Variants in CD83 observed in about 807,000 individuals in gnomAD.
CD83 encodes CD83 molecule.
In CD83, 22 loss-of-function variants were observed where a neutral mutation model predicts 24.6. The observed-to-expected ratio is 0.90, with a 90% CI of 0.64 to 1.28. The LOEUF (loss-of-function observed/expected upper bound fraction) is 1.28, where lower values mean the gene tolerates loss of function less well. Among genes scored for constraint, CD83 ranks in the 50% most tolerant of loss-of-function variants. The pLI is 0.00. For missense variants in CD83, 253 were observed against 252.8 expected (o/e 1.00, Z -0.01); for synonymous variants, 101 against 103.5 (o/e 0.98, Z 0.14).
Position 14,135,341 on chromosome 6 carries a change from G to A in CD83, c.*105G>A, listed in dbSNP as rs1758024849. ...GAGCCTACGCTGAAGATGGCATCCT[G>A]TGAAGTCCTTCACCTCACTGAAAAC... is the stretch of plus-strand genomic sequence containing the variant. On this transcript the variant is annotated 3_prime_UTR_variant, in exon 5 of 5. Coordinates refer to ENST00000379153, the MANE Select transcript of CD83 (RefSeq NM_004233.4). 1.6e-6 allele frequency: 2 copies of A among 1,278,000 alleles called. No homozygotes were observed. Among genetic ancestry groups the A allele is most frequent in the Non-Finnish European group, 2.2e-6 (2 of 921,616 alleles). The allele number at this position is 1,278,000 out of a possible 1,614,324, so 79.2% of individuals were successfully genotyped here. A position where few individuals can be genotyped will look rare whatever the true frequency, so the allele number is the denominator to read the frequency against.
Position 14,118,058 on chromosome 6 carries a change from GGGTCAAGGTA to G in CD83, c.150_153+6del, listed in dbSNP as rs1035671854. 1.9e-6 allele frequency: 3 copies of G among 1,605,776 alleles called. No individual in the cohort carries two copies. The African/African-American group carries it at 4.0e-5, about 22-fold the overall frequency. Reference sequence around the variant, plus strand: ...CCGCAGGTTCCCTACACGGTCTCCTGGGTCAAGGTAGGTGCTGCGATACCCACGGGCTGGG... The same window carrying G: ...CCGCAGGTTCCCTACACGGTCTCCTGGGTGCTGCGATACCCACGGGCTGGG... On this transcript the variant is annotated splice_donor_variant and splice_donor_region_variant and coding_sequence_variant and intron_variant, in exon 2 of 5. Coordinates refer to ENST00000379153, the MANE Select transcript of CD83 (RefSeq NM_004233.4). LOFTEE classifies it high-confidence loss of function.
intron 2 of CD83, among the ~76,000 whole-genome samples, chr6:14,128,216 G>T (rs779214613): frequency 6.6e-6 from 1 of 152,134 alleles, no homozygotes; most frequent in Non-Finnish European, 1.5e-5. Context: ...GTTTTTGGTG[G>T]TGCCTCTGCC....
chr6:14,118,139 C>A, intron 2 of CD83, 74 bp downstream of exon 2: 2 of 1,102,830 alleles, frequency 1.8e-6, no homozygotes, highest in African/African-American at 1.6e-5. Context: ...CTCCCCTAGG[C>A]TGGCGACCCT....
chr6:14,121,397 C>G (rs1323165426), intron 2 of CD83, among the ~76,000 whole-genome samples: 1 of 151,420 alleles, frequency 6.6e-6, no homozygotes, highest in Non-Finnish European at 1.5e-5. Context: ...GGCTGGTCTC[C>G]AACTCCTGAG....
rs1465850165 is a variant in CD83, at chr6:14,129,791, CT to C, written c.154-1727del. 6.6e-6 allele frequency among the ~76,000 whole-genome samples: 1 copy of C among 151,654 alleles called. No homozygotes were observed. The highest frequency in any genetic ancestry group is 1.5e-5 in the Non-Finnish European group (1 of 67,968). ...GCTGGAGCCTGAGCTTTCCGGTGAC[CT>C]TGTGGTATATGCTCTGAATTAATAA... is the stretch of plus-strand genomic sequence containing the variant. On this transcript the variant is annotated intron_variant, in intron 2 of 4. Coordinates refer to ENST00000379153, the MANE Select transcript of CD83 (RefSeq NM_004233.4). This position sits in a 1 kb window ranked among gnomAD's most constrained non-coding sequence, Gnocchi z 4.3.
At chr6:14,133,834 C>A in intron 4 of CD83, 79 bp downstream of exon 4, 2 of 929,258 alleles carry the variant, frequency 2.2e-6, no homozygotes, top group South Asian at 1.5e-5. Context: ...GCAGATAGTG[C>A]GAATCATTTA....
At position 14,117,981 on chromosome 6, in the gene CD83, G is replaced by A. The variant is rs1759576565; in HGVS notation, c.69G>A (p.Val23=). 6.2e-7 allele frequency: 1 copy of A among 1,610,832 alleles called. No individual in the cohort carries two copies. Among genetic ancestry groups the A allele is most frequent in the African/African-American group, 1.3e-5 (1 of 74,808 alleles). ...GCCTGGCTCCCGCGACGCCGGAGGT[G>A]AAGGTGGCTTGCTCCGAAGATGTGG... is the stretch of plus-strand genomic sequence containing the variant. The part of the protein sequence containing the change: ...AYSLAPATPE[V]KVACSEDVDL... Residue 23 remains valine (V), a synonymous_variant, in exon 2 of 5, where the codon GTG becomes GTA. Transcript: ENST00000379153. The surrounding 1 kb of genome is among the most constrained non-coding windows in gnomAD (Gnocchi z 4.6).
At chr6:14,135,057 C>T (rs765168887) in intron 4 of CD83, 51 bp from the exon 5 acceptor site, 1 of 1,599,292 alleles carries the variant, frequency 6.3e-7, no homozygotes, top group Non-Finnish European at 8.5e-7. Flanking sequence ...GAGGTGACAA[C>T]TGCTGAATTT....
In CD83 at chr6:14,135,725, T is replaced by C; in HGVS notation, c.*489T>C. The C allele has an allele frequency of 6.5e-6, 1 of 153,516 alleles. No individual in the cohort carries two copies. 9.5% of individuals were successfully genotyped at this position (153,516 alleles called of 1,614,324 possible). A position where few individuals can be genotyped will look rare whatever the true frequency, so the allele number is the denominator to read the frequency against. The stretch of plus-strand genomic sequence containing the variant: ...TCAAGCTGTGAGACAGTGGGAAATA[T>C]TTAGCAAATAATTTCCTGGTGTGAA... On this transcript the variant is annotated 3_prime_UTR_variant, in exon 5 of 5. Coordinates refer to ENST00000379153, the MANE Select transcript of CD83 (RefSeq NM_004233.4).
intron 2 of CD83, 145 bp from the exon 3 acceptor site, chr6:14,131,375 C>T (rs907927129): frequency 3.2e-6 from 2 of 629,456 alleles, no homozygotes; most frequent in Non-Finnish European, 5.6e-6. Context: ...TTTCCTCCCC[C>T]AGAGGTCACA....
At position 14,118,073 on chromosome 6, in the gene CD83, C is replaced by T. The variant is rs754842313; in HGVS notation, c.153+8C>T. The T allele has an allele frequency of 1.3e-6, 2 of 1,586,314 alleles. No individual in the cohort carries two copies. Among genetic ancestry groups the T allele is most frequent in the Non-Finnish European group, 8.6e-7 (1 of 1,162,750 alleles). On this transcript the variant is annotated splice_region_variant and intron_variant, in intron 2 of 4. Transcript: ENST00000379153. ...ACGGTCTCCTGGGTCAAGGTAGGTGCTGCGATACCCACGGGCTGGGGTTTG... is the reference window on the plus strand; with the variant it reads ...ACGGTCTCCTGGGTCAAGGTAGGTGTTGCGATACCCACGGGCTGGGGTTTG...
intron 2 of CD83, among the ~76,000 whole-genome samples, chr6:14,128,090 T>G (rs373094551): frequency 2.0e-5 from 3 of 152,232 alleles, no homozygotes; most frequent in African/African-American, 7.2e-5. Context: ...GAGCTGTTCT[T>G]GCCAGTGGTT....
Position 14,117,862 on chromosome 6 carries a change from G to A in CD83, c.37+14G>A, listed in dbSNP as rs757608513. Reference sequence around the variant, plus strand: ...TCCTGAGCTGCGGTAGGGCTCGCGAGCGCCTGTCTCGCCTGTCGCCCCCCG... The same window carrying A: ...TCCTGAGCTGCGGTAGGGCTCGCGAACGCCTGTCTCGCCTGTCGCCCCCCG... On this transcript the variant is annotated intron_variant, in intron 1 of 4. Transcript: ENST00000379153. This position sits in a 1 kb window ranked among gnomAD's most constrained non-coding sequence, Gnocchi z 4.6. 2 of 1,575,838 alleles carry A rather than the reference G, an allele frequency of 1.3e-6. No homozygotes were observed. Among genetic ancestry groups the A allele is most frequent in the Non-Finnish European group, 8.6e-7 (1 of 1,168,256 alleles).
chr6:14,120,447 C>A (rs899422939), intron 2 of CD83, among the ~76,000 whole-genome samples: 11 of 152,132 alleles, frequency 7.2e-5, no homozygotes, highest in Admixed American at 6.5e-4. Context: ...TAAAATGTTT[C>A]ATCAAAGTGG....
chr6:14,126,971 C>T (rs1759831805), intron 2 of CD83, among the ~76,000 whole-genome samples: 2 of 151,332 alleles, frequency 1.3e-5, no homozygotes, highest in Admixed American at 6.6e-5. Flanking sequence ...ATTGCACATT[C>T]CCCCCACCCC....
At chr6:14,123,824 C>T (rs2113390628) in intron 2 of CD83, among the ~76,000 whole-genome samples, 1 of 149,650 alleles carries the variant, frequency 6.7e-6, no homozygotes, top group South Asian at 2.1e-4. Flanking sequence ...ACCTGAGTCA[C>T]ATGAGGACTG....
At chr6:14,131,941 T>G (rs867238150) in intron 3 of CD83, among the ~76,000 whole-genome samples, 193 bp downstream of exon 3, 8 of 152,174 alleles carry the variant, frequency 5.3e-5, no homozygotes, top group South Asian at 2.1e-4. Flanking sequence ...TTTGTTTGAC[T>G]TTTGCCCAAC....
At chr6:14,133,803 G>A (rs1757981301) in intron 4 of CD83, 48 bp downstream of exon 4, 1 of 1,228,006 alleles carries the variant, frequency 8.1e-7, no homozygotes, top group Non-Finnish European at 1.2e-6. Context: ...ATTACCCAGG[G>A]CACCAATCCA....
chr6:14,131,591 G>A lies in CD83; in HGVS notation c.225G>A (p.Gln75=), dbSNP rs1561832152. 6.2e-7 allele frequency: 1 copy of A among 1,614,166 alleles called. No individual in the cohort carries two copies. The highest frequency in any genetic ancestry group is 2.2e-5 in the East Asian group (1 of 44,880). ...ACCTCAGGGGACAGCACTATCATCA[G>A]AAGGGGCAAAATGGTTCTTTCGACG... ...EDHLRGQHYH[Q]KGQNGSFDAP... The change falls in exon 3 of 5, where the codon CAG becomes CAA. Residue 75 remains glutamine, a synonymous_variant. Transcript: ENST00000379153.
Sources: gnomAD v4.1 joint callset for allele counts (sites outside exome capture counted in the v4.1 genomes callset) on GRCh38, gnomAD v4.1.1 for gene constraint, Gnocchi (gnomAD v3.1) non-coding constraint, MANE v1.5 for transcripts, NCBI Gene and HGNC (gene_info 2026-07-23, HGNC 2026-07-21) for gene names.